ARID1A: variants seen among roughly 807,000 people sequenced by gnomAD.
The protein encoded by ARID1A is AT-rich interaction domain 1A.
A neutral mutation model predicts 212.6 loss-of-function variants in ARID1A; 20 were observed. The ratio of observed to expected loss-of-function variants is 0.09; its 90% confidence interval spans 0.07 to 0.14. The LOEUF is 0.14. Among genes scored for constraint, ARID1A ranks in the 10% least tolerant of loss-of-function variants. The pLI is 1.00. For synonymous variants in ARID1A, 1,376 were observed against 1,222.1 expected (o/e 1.13, Z -2.63); for missense variants, 2,587 against 3,059.0 (o/e 0.85, Z 3.64).
intron 1 of ARID1A, among the ~76,000 whole-genome samples, chr1:26,719,787 A>G (rs2080542430): frequency 6.6e-6 from 1 of 151,666 alleles, no homozygotes. Flanking sequence ...CTAAAAATAC[A>G]AAAATTAGCC....
intron 13 of ARID1A, 42 bp from the exon 14 acceptor site, chr1:26,772,770 A>AT: frequency 6.2e-7 from 1 of 1,607,532 alleles, no homozygotes; most frequent in Non-Finnish European, 8.5e-7. Context: ...TATTGGAGGA[A>AT]TTGGTTTATT....
intron 1 of ARID1A, among the ~76,000 whole-genome samples, chr1:26,725,899 G>T (rs1006295625): frequency 1.4e-5 from 2 of 146,350 alleles, no homozygotes; most frequent in African/African-American, 2.5e-5. Flanking sequence ...CTGTTGCCCA[G>T]GCTGGAGTGC....
intron 1 of ARID1A, among the ~76,000 whole-genome samples, chr1:26,724,661 T>C (rs910468348): frequency 6.6e-6 from 1 of 152,230 alleles, no homozygotes; most frequent in African/African-American, 2.4e-5. Context: ...TAGTCTGTTA[T>C]TTCAGCCGTT....
chr1:26,740,958 A>G (rs1355265534), intron 4 of ARID1A, among the ~76,000 whole-genome samples: 1 of 152,212 alleles, frequency 6.6e-6, no homozygotes, highest in African/African-American at 2.4e-5. Flanking sequence ...GTTAAATTCC[A>G]TATTTATTTT....
At position 26,779,185 on chromosome 1, in the gene ARID1A, G is replaced by A. The variant is rs1453615942; in HGVS notation, c.5287G>A (p.Glu1763Lys). ...VSSPAPMEGGEEEEELLGPKL... is the reference protein window; with the variant it reads ...VSSPAPMEGGKEEEELLGPKL... ...TAGTCCAGCTCCCATGGAGGGTGGG[G>A]AAGAAGAAGAAGAACTTCTAGGTCC... The change falls in exon 20 of 20, where the codon GAA (glutamate) becomes AAA (lysine). Residue 1763 changes from glutamate (E) to lysine (K), a missense_variant. By Grantham distance (56) the Glu-to-Lys change is moderately conservative. Transcript: ENST00000324856. 6.2e-7 allele frequency: 1 copy of A among 1,605,834 alleles called. No homozygotes were observed. The highest frequency in any genetic ancestry group is 1.7e-5 in the Admixed American group (1 of 59,350).
At chr1:26,736,563 A>G (rs1339578086) in intron 4 of ARID1A, among the ~76,000 whole-genome samples, 4 of 148,452 alleles carry the variant, frequency 2.7e-5, no homozygotes, top group South Asian at 2.2e-4. Flanking sequence ...CGGGAGGCGG[A>G]GATTGCAGTG....
intron 4 of ARID1A, among the ~76,000 whole-genome samples, chr1:26,739,646 CTA>C (rs1490645001): frequency 2.6e-5 from 4 of 152,176 alleles, no homozygotes; most frequent in African/African-American, 9.7e-5. Context: ...TTGAAAGAAA[CTA>C]GACTTCCTGT....
intron 4 of ARID1A, among the ~76,000 whole-genome samples, chr1:26,760,082 C>G (rs1383585255): frequency 6.6e-6 from 1 of 152,204 alleles, no homozygotes; most frequent in Non-Finnish European, 1.5e-5. Flanking sequence ...TCTCTTGTAG[C>G]TCCTGGTGCC....
chr1:26,737,515 G>T (rs563367307), intron 4 of ARID1A, among the ~76,000 whole-genome samples: 1 of 152,092 alleles, frequency 6.6e-6, no homozygotes, highest in Non-Finnish European at 1.5e-5. Flanking sequence ...CAAGACCAGT[G>T]GTTCTCTACT....
chr1:26,709,840 T>C (rs1476979695), intron 1 of ARID1A, among the ~76,000 whole-genome samples: 2 of 151,082 alleles, frequency 1.3e-5, no homozygotes, highest in Non-Finnish European at 3.0e-5. Flanking sequence ...GCTTACTTTT[T>C]TTTTTTTTTG....
intron 16 of ARID1A, 42 bp downstream of exon 16, chr1:26,773,759 C>T (rs760944956): frequency 8.7e-6 from 14 of 1,614,014 alleles, no homozygotes; most frequent in African/African-American, 2.7e-5. Flanking sequence ...GATCAGGCTT[C>T]GCCACTGCCC....
chr1:26,767,792 A>G lies in ARID1A; in HGVS notation c.2991A>G (p.Lys997=), dbSNP rs746685205. 2.5e-6 allele frequency: 4 copies of G among 1,612,646 alleles called. No individual in the cohort carries two copies. The highest frequency in any genetic ancestry group is 3.4e-6 in the Non-Finnish European group (4 of 1,179,128). The change falls in exon 11 of 20, where the codon AAA becomes AAG. Residue 997 remains lysine (K), a splice_region_variant and synonymous_variant. Coordinates refer to ENST00000324856, the MANE Select transcript of ARID1A (RefSeq NM_006015.6). The part of the protein sequence containing the change: ...GTPKTESKSK[K]SSSSTTTNEK... ...GAATTTTGACCTGAACCTTCCAGAA[A>G]TCCAGTTCTTCTACTACAACCAATG...
At chr1:26,716,687 G>A (rs1198050303) in intron 1 of ARID1A, among the ~76,000 whole-genome samples, 4 of 152,126 alleles carry the variant, frequency 2.6e-5, no homozygotes, top group Non-Finnish European at 5.9e-5. Flanking sequence ...GTGAGGTGCA[G>A]TGGTCTCAGC....
chr1:26,735,572 G>A (rs575524417), intron 4 of ARID1A, among the ~76,000 whole-genome samples: 30 of 152,314 alleles, frequency 2.0e-4, no homozygotes, highest in East Asian at 3.9e-4. Context: ...GATTATAGGC[G>A]TGAGCCACCT....
intron 4 of ARID1A, among the ~76,000 whole-genome samples, chr1:26,757,420 C>A (rs1036284032): frequency 7.0e-6 from 1 of 142,926 alleles, no homozygotes; most frequent in Non-Finnish European, 1.5e-5. Context: ...CAGTGAGCCG[C>A]GATAGCGCCA....
intron 1 of ARID1A, among the ~76,000 whole-genome samples, chr1:26,717,530 G>A (rs1343916837): frequency 6.6e-6 from 1 of 152,106 alleles, no homozygotes; most frequent in Non-Finnish European, 1.5e-5. Context: ...GATGACTTTG[G>A]ACTTCTGGTC....
intron 4 of ARID1A, among the ~76,000 whole-genome samples, chr1:26,733,128 G>C (rs762181542): frequency 6.6e-6 from 1 of 152,160 alleles, no homozygotes; most frequent in Non-Finnish European, 1.5e-5. Context: ...ACTCTTACAG[G>C]CTTAATTTTT....
intron 1 of ARID1A, among the ~76,000 whole-genome samples, chr1:26,710,366 A>G (rs1337470576): frequency 7.4e-6 from 1 of 134,264 alleles, no homozygotes; most frequent in East Asian, 2.0e-4. Flanking sequence ...CCTGGGAGGC[A>G]GAGGTTGCAG....
rs1388017467 is a variant in ARID1A, at chr1:26,696,696, C to T, written c.293C>T (p.Pro98Leu). 1.9e-5 allele frequency: 26 copies of T among 1,351,198 alleles called. No individual in the cohort carries two copies. The highest frequency in any genetic ancestry group is 3.7e-5 in the Admixed American group (1 of 27,336). The allele number at this position is 1,351,198 out of a possible 1,614,324, so 83.7% of individuals were successfully genotyped here. ...AGSGGGPGAE[P>L]DLKNSNGNAG... ...AGCGGCGGCGGGCCCGGCGCGGAGC[C>T]GGACCTGAAGAACTCGAACGGGAAC... The change falls in exon 1 of 20, where the codon CCG becomes CTG. Residue 98 changes from proline (P) to leucine (L), a missense_variant. Transcript: ENST00000324856.
Sources: gnomAD v4.1 joint callset for allele counts (sites outside exome capture counted in the v4.1 genomes callset) on GRCh38, gnomAD v4.1.1 for gene constraint, MANE v1.5 for transcripts, NCBI Gene and HGNC (gene_info 2026-07-23, HGNC 2026-07-21) for gene names.